The following HECA variants were observed in gnomAD, a reference collection of about 807,000 sequenced individuals.
HECA encodes the protein HECA ribonucleoprotein granule regulator.
HECA carries 13 observed loss-of-function variants against 37.6 expected under a neutral mutation model. That is an observed-to-expected ratio of 0.35 (90% CI 0.23 to 0.55). The LOEUF (loss-of-function observed/expected upper bound fraction) is 0.55, where lower values mean the gene tolerates loss of function less well. Ranked by LOEUF, HECA falls within the 20% of genes least tolerant of loss-of-function variation. The pLI is 0.90. For missense variants in HECA, 527 were observed against 701.9 expected (o/e 0.75, Z 2.82); for synonymous variants, 307 against 291.5 (o/e 1.05, Z -0.54).
intron 1 of HECA, among the ~76,000 whole-genome samples, chr6:139,151,665 G>A (rs72978638): frequency 0.041 from 6,184 of 152,258 alleles, 138 homozygotes; most frequent in African/African-American, 0.061. Context: ...TACTGTAATT[G>A]AGTTTAAGTA....
At chr6:139,140,551 A>C (rs1470944358) in intron 1 of HECA, among the ~76,000 whole-genome samples, 1 of 152,192 alleles carries the variant, frequency 6.6e-6, no homozygotes, top group African/African-American at 2.4e-5. Flanking sequence ...AGGATCTGTG[A>C]TCTGTCCTTA....
At chr6:139,146,633 G>A (rs1015973427) in intron 1 of HECA, among the ~76,000 whole-genome samples, 8 of 152,178 alleles carry the variant, frequency 5.3e-5, no homozygotes, top group African/African-American at 1.7e-4. Flanking sequence ...GGTGATAGGT[G>A]TCAGTGAACA....
At chr6:139,139,022 C>T (rs1562241753) in intron 1 of HECA, among the ~76,000 whole-genome samples, 4 of 152,268 alleles carry the variant, frequency 2.6e-5, no homozygotes, top group Middle Eastern at 3.4e-3. Context: ...ATATTTGAAA[C>T]CTTGATCATA....
chr6:139,141,013 A>C (rs1774506946), intron 1 of HECA, among the ~76,000 whole-genome samples: 1 of 152,118 alleles, frequency 6.6e-6, no homozygotes, highest in African/African-American at 2.4e-5. Context: ...GATGGTCTTG[A>C]TCTCCTGACA....
intron 2 of HECA, among the ~76,000 whole-genome samples, chr6:139,174,060 C>G (rs1220351366): frequency 3.3e-5 from 5 of 152,248 alleles, no homozygotes; most frequent in Non-Finnish European, 7.4e-5. Flanking sequence ...GAATACAGTA[C>G]AGGCTGGTTT....
chr6:139,157,167 C>T (rs1405689905), intron 1 of HECA, among the ~76,000 whole-genome samples: 2 of 152,210 alleles, frequency 1.3e-5, no homozygotes, highest in African/African-American at 2.4e-5. Flanking sequence ...GTTGCCATGG[C>T]ATTTGTAAAC....
At chr6:139,139,197 T>G (rs1035446795) in intron 1 of HECA, among the ~76,000 whole-genome samples, 1 of 152,210 alleles carries the variant, frequency 6.6e-6, no homozygotes, top group African/African-American at 2.4e-5. Flanking sequence ...GGAGTTCGTT[T>G]GCATAGAGAT....
intron 1 of HECA, among the ~76,000 whole-genome samples, chr6:139,150,227 T>C (rs1240713503): frequency 6.6e-6 from 1 of 152,198 alleles, no homozygotes; most frequent in Non-Finnish European, 1.5e-5. Context: ...CCAAACTATA[T>C]TGTGGATTTT....
intron 1 of HECA, among the ~76,000 whole-genome samples, chr6:139,156,192 TTACTA>T (rs1200055171): frequency 1.3e-5 from 2 of 152,078 alleles, no homozygotes; most frequent in Non-Finnish European, 2.9e-5. Flanking sequence ...TTTAAAATCT[TTACTA>T]TAGCTTTTTC....
At chr6:139,149,484 T>C (rs908213370) in intron 1 of HECA, among the ~76,000 whole-genome samples, 3 of 152,178 alleles carry the variant, frequency 2.0e-5, no homozygotes, top group African/African-American at 7.2e-5. Flanking sequence ...GTTCTCTGTT[T>C]GTAATGTGGT....
chr6:139,171,636 CT>C (rs913271292), intron 2 of HECA, among the ~76,000 whole-genome samples: 7 of 151,068 alleles, frequency 4.6e-5, no homozygotes, highest in Non-Finnish European at 7.4e-5. Flanking sequence ...TTTTTTCTTT[CT>C]TTTTTTTTGA....
intron 1 of HECA, among the ~76,000 whole-genome samples, chr6:139,152,427 T>TGTGTGTGTGTGG (rs1337105267): frequency 6.6e-6 from 1 of 151,368 alleles, no homozygotes; most frequent in Non-Finnish European, 1.5e-5. Flanking sequence ...GATGTGTGTG[T>TGTGTGTGTGTGG]GTGTGTGTGT....
At position 139,176,061 on chromosome 6, in the gene HECA, G is replaced by A. The variant is rs183921572; in HGVS notation, c.1468-880G>A. ...TAGAAAGGTATAACAGTGTGAAGACGGGTTTGCTCAGAATCACACTTTTAA... is the reference window on the plus strand; with the variant it reads ...TAGAAAGGTATAACAGTGTGAAGACAGGTTTGCTCAGAATCACACTTTTAA... On this transcript the variant is annotated intron_variant, in intron 3 of 3. Coordinates refer to ENST00000367658, the MANE Select transcript of HECA (RefSeq NM_016217.3). This position sits in a 1 kb window ranked among gnomAD's most constrained non-coding sequence, Gnocchi z 4.5. Among the ~76,000 whole-genome samples the A allele has an allele frequency of 3.3e-3, 504 of 152,332 alleles. 1 individual carries two copies. Among genetic ancestry groups the A allele is most frequent in the Non-Finnish European group, 5.3e-3 (362 of 68,036 alleles).
rs919599281 is a variant in HECA, at chr6:139,135,264, G to A, written c.-133G>A. 71 of 690,278 alleles carry A rather than the reference G, an allele frequency of 1.0e-4. No individual in the cohort carries two copies. The highest frequency in any genetic ancestry group is 1.3e-4 in the Non-Finnish European group (67 of 531,792). 42.8% of individuals were successfully genotyped at this position (690,278 alleles called of 1,614,324 possible). ...GCGGCACGGGCCGTGCGGCTAGACGGGAGCCGAGGGAACCGCCGGCTCGCG... is the reference window on the plus strand; with the variant it reads ...GCGGCACGGGCCGTGCGGCTAGACGAGAGCCGAGGGAACCGCCGGCTCGCG... On this transcript the variant is annotated 5_prime_UTR_variant, in exon 1 of 4. Coordinates refer to ENST00000367658, the MANE Select transcript of HECA (RefSeq NM_016217.3).
At chr6:139,164,732 G>A (rs1227444497) in intron 1 of HECA, among the ~76,000 whole-genome samples, 7 of 152,064 alleles carry the variant, frequency 4.6e-5, no homozygotes, top group Non-Finnish European at 7.4e-5. Flanking sequence ...GCTGTTAGTT[G>A]TGTGACTCCC....
intron 1 of HECA, among the ~76,000 whole-genome samples, chr6:139,136,392 A>G (rs1424826104): frequency 1.3e-5 from 2 of 152,094 alleles, no homozygotes; most frequent in Non-Finnish European, 2.9e-5. Flanking sequence ...TTGAGGGGAC[A>G]CTTAGGAACT....
In HECA at chr6:139,135,507, A is replaced by C. The variant is rs755324804; in HGVS notation, c.111A>C (p.Gly37=). The change falls in exon 1 of 4, where the codon GGA becomes GGC. Residue 37 remains glycine (G), a synonymous_variant. Coordinates refer to ENST00000367658, the MANE Select transcript of HECA (RefSeq NM_016217.3). Reference sequence around the variant, plus strand: ...CCCTGGCAGCGGCGGGCGCGGCGGGAGCGGCGGCCGGGGGGGCCCTGGCGG... The same window carrying C: ...CCCTGGCAGCGGCGGGCGCGGCGGGCGCGGCGGCCGGGGGGGCCCTGGCGG... ...AGALAAAGAA[G]AAAGGALAAA... 47 of 1,105,994 alleles carry C rather than the reference A, an allele frequency of 4.2e-5. 1 individual carries two copies. Among genetic ancestry groups the C allele is most frequent in the South Asian group, 1.5e-4 (5 of 33,520 alleles). The allele number at this position is 1,105,994 out of a possible 1,614,324, so 68.5% of individuals were successfully genotyped here.
Position 139,135,527 on chromosome 6 carries a change from T to TGGC in HECA, c.141_143dup (p.Ala48dup). The TGGC allele has an allele frequency of 9.1e-6, 9 of 988,474 alleles. No individual in the cohort carries two copies. Among genetic ancestry groups the TGGC allele is most frequent in the Non-Finnish European group, 1.1e-5 (9 of 834,438 alleles). 61.2% of individuals were successfully genotyped at this position (988,474 alleles called of 1,614,324 possible). ...GCGGGAGCGGCGGCCGGGGGGGCCC[T>TGGC]GGCGGCGGCGGCCGGTTGCGGGGCG... On this transcript the variant is annotated inframe_insertion, in exon 1 of 4. Coordinates refer to ENST00000367658, the MANE Select transcript of HECA (RefSeq NM_016217.3).
chr6:139,174,683 G>T (rs2114494960), intron 3 of HECA, 144 bp downstream of exon 3: 1 of 1,205,482 alleles, frequency 8.3e-7, no homozygotes. Context: ...TAGTCATTTA[G>T]TGGAATACTA....
Sources: gnomAD v4.1 joint callset for allele counts (sites outside exome capture counted in the v4.1 genomes callset) on GRCh38, gnomAD v4.1.1 for gene constraint, Gnocchi (gnomAD v3.1) non-coding constraint, MANE v1.5 for transcripts, NCBI Gene and HGNC (gene_info 2026-07-23, HGNC 2026-07-21) for gene names.